Variants in DOK7 observed in about 807,000 individuals in gnomAD.
DOK7 encodes docking protein 7, also known as protein Dok-7.
In DOK7, 32 loss-of-function variants were observed where a neutral mutation model predicts 30.7. The observed-to-expected ratio is 1.04, with a 90% CI of 0.79 to 1.40. The LOEUF is 1.40. Ranked by LOEUF, DOK7 falls within the 40% of genes most tolerant of loss-of-function variation. The pLI is 0.00. For synonymous variants in DOK7, 447 were observed against 324.1 expected (o/e 1.38, Z -4.07); for missense variants, 1,007 against 699.2 (o/e 1.44, Z -4.97).
chr4:3,476,683 TC>T, intron 4 of DOK7, 141 bp downstream of exon 4: 3 of 1,105,014 alleles, frequency 2.7e-6, no homozygotes, highest in Non-Finnish European at 2.7e-6. Context: ...GGACGGAGTC[TC>T]CCCACGCTCG....
intron 2 of DOK7, among the ~76,000 whole-genome samples, chr4:3,469,125 TTG>T (rs756938273): frequency 2.3e-4 from 33 of 145,358 alleles, no homozygotes; most frequent in African/African-American, 4.6e-4. Context: ...TGTGCACACA[TTG>T]TGTGTGTGCG....
downstream of DOK7, chr4:3,494,556 T>C (rs1728790658): frequency 4.1e-6 from 4 of 980,502 alleles, no homozygotes; most frequent in South Asian, 9.4e-5. Flanking sequence ...TCTGCCTGGA[T>C]GCGAAGTCCC....
At chr4:3,490,110 C>CCTCATTCATTCCTTTCTTCCCCCCCT (rs112331566) in intron 6 of DOK7, among the ~76,000 whole-genome samples, 1 of 52,736 alleles carries the variant, frequency 1.9e-5, no homozygotes, top group African/African-American at 9.0e-5. Context: ...TTCTTCACCC[C>CCTCATTCATTCCTTTCTTCCCCCCCT]CATTCATTCC....
At position 3,482,194 on chromosome 4, in the gene DOK7, C is replaced by G. The variant is rs1577160763; in HGVS notation, c.533-3345C>G. On this transcript the variant is annotated intron_variant, in intron 4 of 6. Coordinates refer to ENST00000340083, the MANE Select transcript of DOK7 (RefSeq NM_173660.5). ...TACCCTCTAACAGCTGAGCTAACTC[C>G]TATTTACCCTGCCACACCTAGCGGC... Among the ~76,000 whole-genome samples the G allele has an allele frequency of 3.3e-5, 5 of 152,338 alleles. 1 individual carries two copies. In the East Asian group the frequency reaches 9.6e-4, roughly 29 times the overall value.
At chr4:3,496,310 G>A (rs1459790990), downstream of DOK7, among the ~76,000 whole-genome samples, 3 of 152,232 alleles carry the variant, frequency 2.0e-5, no homozygotes, top group Non-Finnish European at 4.4e-5. Context: ...GCCTCCCAGT[G>A]GGGCATTTTC....
intron 6 of DOK7, among the ~76,000 whole-genome samples, chr4:3,491,540 CTCCCACCT>C (rs1560229837): frequency 3.0e-4 from 5 of 16,772 alleles, no homozygotes; most frequent in Non-Finnish European, 4.2e-4. Flanking sequence ...TTTCTTCCTT[CTCCCACCT>C]ATTCATTCAT....
rs1726896292 is a variant in DOK7 at position 3,473,550 on chromosome 4, G to T, written c.245G>T (p.Cys82Phe). 2 of 1,610,734 alleles carry T rather than the reference G, an allele frequency of 1.2e-6. No individual in the cohort carries two copies. The highest frequency in any genetic ancestry group is 2.7e-5 in the African/African-American group (2 of 74,868). Reference protein sequence around the residue: ...EGLVHTLAIVCLSQAIMLGFD... With the variant: ...EGLVHTLAIVFLSQAIMLGFD... ...CTGGTCCACACGCTGGCCATTGTCT[G>T]CCTGTCCCAGGCCATCATGCTGGGC... Residue 82 changes from cysteine (C) to phenylalanine (F), a missense_variant, in exon 3 of 7, where the codon TGC (cysteine) becomes TTC (phenylalanine). By Grantham distance (205) the Cys-to-Phe change is radical (BLOSUM62 -2). Coordinates refer to ENST00000340083, the MANE Select transcript of DOK7 (RefSeq NM_173660.5).
In DOK7 at chr4:3,493,131, A is replaced by G; in HGVS notation, c.1145A>G (p.Glu382Gly). ...AGCCTGCCAGCAGCGGGGGCCCCCGAGCCCAGCCTGTGCACCTGCCTGCCC... is the reference window on the plus strand; with the variant it reads ...AGCCTGCCAGCAGCGGGGGCCCCCGGGCCCAGCCTGTGCACCTGCCTGCCC... ...LLSLPAAGAP[E>G]PSLCTCLPGT... The change falls in exon 7 of 7, where the codon GAG becomes GGG. Residue 382 changes from glutamate (E) to glycine (G), a missense_variant. Glu to Gly is a moderately conservative substitution (Grantham distance 98). Transcript: ENST00000340083. 1 of 1,596,496 alleles carries G rather than the reference A, an allele frequency of 6.3e-7. No individual in the cohort carries two copies. Among genetic ancestry groups the G allele is most frequent in the Non-Finnish European group, 8.5e-7 (1 of 1,174,114 alleles).
intron 2 of DOK7, among the ~76,000 whole-genome samples, chr4:3,467,796 C>A (rs547559658): frequency 6.6e-6 from 1 of 152,292 alleles, no homozygotes; most frequent in African/African-American, 2.4e-5. Context: ...TCAAGGCAGC[C>A]TGGGTGTCTG....
In DOK7 at chr4:3,493,437, C is replaced by T. The variant is rs1057518522; in HGVS notation, c.1451C>T (p.Pro484Leu). 53 of 1,606,200 alleles carry T rather than the reference C, an allele frequency of 3.3e-5. No homozygotes were observed. Among genetic ancestry groups the T allele is most frequent in the Non-Finnish European group, 4.2e-5 (50 of 1,176,858 alleles). The change falls in exon 7 of 7, where the codon CCA becomes CTA. Residue 484 changes from proline (P) to leucine (L), a missense_variant. Pro to Leu is a moderately conservative substitution (Grantham distance 98, BLOSUM62 -3). Transcript: ENST00000340083. ...GAAGCAGGCGGCCCCCACGCGGGGCCACCCCCGGCTTTCTTTTCGGCATGT... is the reference window on the plus strand; with the variant it reads ...GAAGCAGGCGGCCCCCACGCGGGGCTACCCCCGGCTTTCTTTTCGGCATGT... ...PWEAGGPHAG[P>L]PPAFFSACPV...
Position 3,463,389 on chromosome 4 carries a change from C to T in DOK7, c.14C>T (p.Ala5Val). Reference sequence around the variant, plus strand: ...CCATGACAGAAGATGACCGAGGCGGCGCTGGTGGAGGGCCAGGTCAAGCTG... The same window carrying T: ...CCATGACAGAAGATGACCGAGGCGGTGCTGGTGGAGGGCCAGGTCAAGCTG... MTEA[A>V]LVEGQVKLRD... Residue 5 changes from alanine to valine, a missense_variant, in exon 1 of 7, where the codon GCG becomes GTG. Coordinates refer to ENST00000340083, the MANE Select transcript of DOK7 (RefSeq NM_173660.5). 2.2e-6 allele frequency: 3 copies of T among 1,386,594 alleles called. No individual in the cohort carries two copies. The highest frequency in any genetic ancestry group is 2.7e-5 in the South Asian group (2 of 74,698). 85.9% of individuals were successfully genotyped at this position (1,386,594 alleles called of 1,614,324 possible).
In DOK7 at chr4:3,492,686, C is replaced by T. The variant is rs545862751; in HGVS notation, c.773-73C>T. 2.8e-5 allele frequency: 44 copies of T among 1,592,978 alleles called. No individual in the cohort carries two copies. In the African/African-American group the frequency reaches 4.4e-4, roughly 16 times the overall value. On this transcript the variant is annotated intron_variant, in intron 6 of 6. Coordinates refer to ENST00000340083, the MANE Select transcript of DOK7 (RefSeq NM_173660.5). Reference sequence around the variant, plus strand: ...CAGAGAGTGCTGGCCTGTGGGGGTCCACCAGGCATCAGCCACGTCCTGCCC... The same window carrying T: ...CAGAGAGTGCTGGCCTGTGGGGGTCTACCAGGCATCAGCCACGTCCTGCCC...
chr4:3,477,242 C>G (rs1208080454), intron 4 of DOK7, among the ~76,000 whole-genome samples: 9 of 152,268 alleles, frequency 5.9e-5, no homozygotes, highest in Non-Finnish European at 1.2e-4. Context: ...ACCTGCAGTC[C>G]CCGCGGAGGG....
chr4:3,492,140 ACGGGAGGGGC>A (rs1412835673), intron 6 of DOK7, among the ~76,000 whole-genome samples: 1 of 152,194 alleles, frequency 6.6e-6, no homozygotes, highest in Admixed American at 6.5e-5. Flanking sequence ...TCCCAAGAGC[ACGGGAGGGGC>A]CTGGCCTGGC....
intron 3 of DOK7, among the ~76,000 whole-genome samples, chr4:3,475,093 G>A (rs1417622786): frequency 6.6e-6 from 1 of 152,232 alleles, no homozygotes; most frequent in African/African-American, 2.4e-5. Flanking sequence ...TCCATTGAGT[G>A]GGGAGAGAGA....
Position 3,494,360 on chromosome 4 carries a change from T to G in DOK7, c.*859T>G. ...CTGGGTGGCTTCCTCTTGCACAGCC[T>G]GGAGCCTGCCCTGACCACAGCCCAG... On this transcript the variant is annotated 3_prime_UTR_variant, in exon 7 of 7. Coordinates refer to ENST00000340083, the MANE Select transcript of DOK7 (RefSeq NM_173660.5). The G allele has an allele frequency of 1.0e-6, 1 of 985,974 alleles. No individual in the cohort carries two copies. The highest frequency in any genetic ancestry group is 1.2e-6 in the Non-Finnish European group (1 of 830,374). 61.1% of individuals were successfully genotyped at this position (985,974 alleles called of 1,614,324 possible).
chr4:3,495,642 G>C (rs1048502109), downstream of DOK7, among the ~76,000 whole-genome samples: 99 of 152,324 alleles, frequency 6.5e-4, no homozygotes, highest in African/African-American at 2.3e-3. Context: ...CAACAGGCTG[G>C]GGGCTCCTCC....
intron 2 of DOK7, among the ~76,000 whole-genome samples, chr4:3,463,768 C>G (rs536088973): frequency 6.6e-6 from 1 of 152,272 alleles, no homozygotes; most frequent in African/African-American, 2.4e-5. Context: ...GACTGAGGCC[C>G]GAGGGGCTGC....
Position 3,463,571 on chromosome 4 carries a change from GA to G in DOK7, c.100+21del. ...TGGCAGGTGAGCGGGGCGGGCGGGGGACGGGGGGCGCGGGGGTAGCGACACG... is the reference window on the plus strand; with the variant it reads ...TGGCAGGTGAGCGGGGCGGGCGGGGGCGGGGGGCGCGGGGGTAGCGACACG... On this transcript the variant is annotated intron_variant, in intron 2 of 6. Coordinates refer to ENST00000340083, the MANE Select transcript of DOK7 (RefSeq NM_173660.5). 8.7e-7 allele frequency: 1 copy of G among 1,149,674 alleles called. No homozygotes were observed. The highest frequency in any genetic ancestry group is 1.3e-5 in the South Asian group (1 of 76,676). The allele number at this position is 1,149,674 out of a possible 1,614,324, so 71.2% of individuals were successfully genotyped here. A position where few individuals can be genotyped will look rare whatever the true frequency, so the allele number is the denominator to read the frequency against.
Sources: gnomAD v4.1 joint callset for allele counts (sites outside exome capture counted in the v4.1 genomes callset) on GRCh38, gnomAD v4.1.1 for gene constraint, MANE v1.5 for transcripts, NCBI Gene and HGNC (gene_info 2026-07-23, HGNC 2026-07-21) for gene names.